Variants in UBE2G1 observed in about 807,000 individuals in gnomAD.
The protein encoded by UBE2G1 is ubiquitin-conjugating enzyme E2 G1.
Under a neutral mutation model 22.7 loss-of-function variants are expected in UBE2G1, and 5 were observed. The ratio of observed to expected loss-of-function variants is 0.22; its 90% CI spans 0.12 to 0.46. The LOEUF is 0.46. Among genes scored for constraint, UBE2G1 ranks in the 20% least tolerant of loss-of-function variants. UBE2G1 has a pLI of 0.99. For synonymous variants in UBE2G1, 74 were observed against 67.5 expected (o/e 1.10, Z -0.47); for missense variants, 88 against 203.9 (o/e 0.43, Z 3.46).
At chr17:4,315,515 C>T (rs1969356239) in intron 1 of UBE2G1, among the ~76,000 whole-genome samples, 1 of 151,806 alleles carries the variant, frequency 6.6e-6, no homozygotes, top group South Asian at 2.1e-4. Context: ...CTGAGACGGG[C>T]GGATCATGAG....
chr17:4,348,907 G>T (rs551661326), intron 1 of UBE2G1, among the ~76,000 whole-genome samples: 8 of 151,372 alleles, frequency 5.3e-5, no homozygotes, highest in Admixed American at 6.6e-5. Context: ...ATAATAATAG[G>T]GCCGGGCACG....
chr17:4,329,484 G>A (rs961797761), intron 1 of UBE2G1, among the ~76,000 whole-genome samples: 12 of 151,798 alleles, frequency 7.9e-5, no homozygotes, highest in African/African-American at 2.9e-4. Flanking sequence ...CTTGATCCCA[G>A]GAGGTAGAGG....
intron 4 of UBE2G1, among the ~76,000 whole-genome samples, chr17:4,284,074 T>C (rs985469853): frequency 1.3e-5 from 2 of 151,412 alleles, no homozygotes; most frequent in African/African-American, 4.9e-5. Flanking sequence ...GGAGAATCGC[T>C]TGAACCTGAG....
chr17:4,350,288 T>C (rs185285578), intron 1 of UBE2G1, among the ~76,000 whole-genome samples: 2 of 151,818 alleles, frequency 1.3e-5, no homozygotes, highest in Admixed American at 1.3e-4. Context: ...TGGTGAAACC[T>C]CGTCTCTACC....
At chr17:4,310,248 A>G (rs1172728371) in intron 1 of UBE2G1, among the ~76,000 whole-genome samples, 4 of 152,160 alleles carry the variant, frequency 2.6e-5, no homozygotes, top group African/African-American at 9.7e-5. Context: ...TATTAATTGT[A>G]CTTTCAGTCT....
At chr17:4,292,249 C>A (rs1330807238) in intron 3 of UBE2G1, among the ~76,000 whole-genome samples, 4 of 150,064 alleles carry the variant, frequency 2.7e-5, no homozygotes, top group Non-Finnish European at 5.9e-5. Flanking sequence ...TTGCTTGAAC[C>A]TGGGAGGCGG....
At chr17:4,353,786 A>G (rs1382960630) in intron 1 of UBE2G1, among the ~76,000 whole-genome samples, 1 of 149,836 alleles carries the variant, frequency 6.7e-6, no homozygotes. Flanking sequence ...CTGGGAATAC[A>G]GGCGTGAGCC....
intron 1 of UBE2G1, among the ~76,000 whole-genome samples, chr17:4,312,890 G>C (rs1567521210): frequency 6.6e-6 from 1 of 151,972 alleles, no homozygotes; most frequent in Non-Finnish European, 1.5e-5. Context: ...TCAGTGTGAA[G>C]GTAAGGTGGA....
At chr17:4,356,721 T>C (rs2143826561) in intron 1 of UBE2G1, among the ~76,000 whole-genome samples, 1 of 152,296 alleles carries the variant, frequency 6.6e-6, no homozygotes, top group South Asian at 2.1e-4. Flanking sequence ...AACAAAAAAA[T>C]AAAATTAAGA....
At chr17:4,338,733 A>G (rs2143792020) in intron 1 of UBE2G1, among the ~76,000 whole-genome samples, 1 of 152,346 alleles carries the variant, frequency 6.6e-6, no homozygotes, top group East Asian at 1.9e-4. Flanking sequence ...AAACAATTTG[A>G]TGATCTGGAG....
intron 4 of UBE2G1, among the ~76,000 whole-genome samples, chr17:4,286,658 G>A (rs1270434693): frequency 6.6e-6 from 1 of 152,142 alleles, no homozygotes; most frequent in African/African-American, 2.4e-5. Context: ...AGTACATTTG[G>A]CTCTTTTTAG....
intron 1 of UBE2G1, among the ~76,000 whole-genome samples, chr17:4,311,877 T>C (rs903579852): frequency 2.6e-5 from 4 of 152,012 alleles, no homozygotes; most frequent in East Asian, 3.9e-4. Context: ...AGGAGGAGGT[T>C]TGTCAAGAGA....
chr17:4,358,135 A>G (rs1248523412), intron 1 of UBE2G1, among the ~76,000 whole-genome samples: 1 of 152,140 alleles, frequency 6.6e-6, no homozygotes, highest in Non-Finnish European at 1.5e-5. Flanking sequence ...AATTTTAACT[A>G]TTCTAACAGG....
intron 1 of UBE2G1, among the ~76,000 whole-genome samples, chr17:4,338,080 G>C (rs1172734561): frequency 6.6e-6 from 1 of 151,646 alleles, no homozygotes; most frequent in Admixed American, 6.6e-5. Context: ...TGAGGCAGGA[G>C]AACTGCTTGA....
intron 1 of UBE2G1, among the ~76,000 whole-genome samples, chr17:4,327,580 C>T (rs562907610): frequency 7.9e-5 from 12 of 151,146 alleles, no homozygotes; most frequent in African/African-American, 3.0e-4. Context: ...TGAGGAGTTA[C>T]CGGTTTGTGT....
intron 4 of UBE2G1, among the ~76,000 whole-genome samples, chr17:4,286,134 G>C (rs1053529089): frequency 1.3e-5 from 2 of 152,250 alleles, no homozygotes; most frequent in South Asian, 2.1e-4. Context: ...ACTGGGCCGG[G>C]TGGCTCACAC....
intron 1 of UBE2G1, among the ~76,000 whole-genome samples, chr17:4,346,597 G>A (rs766699109): frequency 6.6e-6 from 1 of 151,322 alleles, no homozygotes; most frequent in Non-Finnish European, 1.5e-5. Flanking sequence ...CACCATGCCC[G>A]GCTAATTTTT....
At chr17:4,295,910 T>C (rs895360250) in intron 3 of UBE2G1, among the ~76,000 whole-genome samples, 2 of 147,594 alleles carry the variant, frequency 1.4e-5, no homozygotes, top group Admixed American at 1.4e-4. Context: ...AAAAAGTCAA[T>C]GTCATCACTA....
At chr17:4,287,393 C>T (rs997721957) in intron 4 of UBE2G1, among the ~76,000 whole-genome samples, 20 of 152,168 alleles carry the variant, frequency 1.3e-4, no homozygotes, top group African/African-American at 3.9e-4. Flanking sequence ...TGAGCCACCA[C>T]GCCTGGCCAA....
Sources: allele counts gnomAD v4.1 joint callset (sites outside exome capture counted in the v4.1 genomes callset), GRCh38; gene constraint gnomAD v4.1.1; transcripts MANE v1.5; gene names NCBI Gene and HGNC (gene_info 2026-07-23, HGNC 2026-07-21).